Variants in PBRM1 observed in about 807,000 individuals in gnomAD.
The protein encoded by PBRM1 is polybromo 1.
A neutral mutation model predicts 194.5 loss-of-function variants in PBRM1; 27 were observed. That is an observed-to-expected ratio of 0.14 (90% confidence interval 0.10 to 0.19). The LOEUF (loss-of-function observed/expected upper bound fraction) is 0.19, where lower values mean the gene tolerates loss of function less well. Among genes scored for constraint, PBRM1 ranks in the 10% least tolerant of loss-of-function variants. The probability of loss-of-function intolerance (pLI) is 1.00; values close to 1 mark genes in which losing one functional copy is unlikely to be tolerated. For synonymous variants in PBRM1, 655 were observed against 693.2 expected, an observed-to-expected ratio of 0.94 and a Z score of 0.87; for missense variants, 1,466 against 2,077.2, an observed-to-expected ratio of 0.71 and a Z score of 5.72.
chr3:52,672,343 A>G (rs2096966019), intron 2 of PBRM1, among the ~76,000 whole-genome samples: 1 of 152,204 alleles, frequency 6.6e-6, no homozygotes, highest in Non-Finnish European at 1.5e-5. Flanking sequence ...CTGATTAGCA[A>G]ACTTAATTCC....
At chr3:52,642,104 T>C (rs2153709582) in intron 9 of PBRM1, 59 bp from the exon 11 acceptor site, 1 of 892,822 alleles carries the variant, frequency 1.1e-6, no homozygotes, top group South Asian at 1.4e-5. Context: ...TAGGTTACTT[T>C]ACAGGGAACA....
intron 10 of PBRM1, among the ~76,000 whole-genome samples, chr3:52,640,305 G>A (rs762431710): frequency 2.0e-5 from 3 of 151,720 alleles, no homozygotes; most frequent in Admixed American, 1.3e-4. Context: ...TTGAGACAGG[G>A]TCTCACTCTG....
chr3:52,634,411 T>A (rs996464360), intron 11 of PBRM1, among the ~76,000 whole-genome samples, 191 bp downstream of exon 12: 1 of 129,108 alleles, frequency 7.7e-6, no homozygotes, highest in African/African-American at 3.0e-5. Context: ...CACTCCAGTC[T>A]GGCAACAGAC....
At chr3:52,644,829 T>C in intron 7 of PBRM1, 40 bp from the exon 9 acceptor site, 2 of 990,990 alleles carry the variant, frequency 2.0e-6, no homozygotes, top group Non-Finnish European at 3.2e-6. Context: ...AAGGAACAGA[T>C]AAAAGGACAG....
At chr3:52,651,904 C>CT in intron 5 of PBRM1, 94 bp from the exon 7 acceptor site, 1 of 765,992 alleles carries the variant, frequency 1.3e-6, no homozygotes, top group Non-Finnish European at 2.2e-6. Context: ...GTTCAAACAA[C>CT]CAGTGAAGCA....
chr3:52,638,752 C>T (rs1043126938), intron 10 of PBRM1, among the ~76,000 whole-genome samples: 3 of 151,846 alleles, frequency 2.0e-5, no homozygotes, highest in South Asian at 2.1e-4. Context: ...CACCACACCA[C>T]GCCCGGCTAA....
chr3:52,548,164 C>T (rs1302879949), exon 30 of PBRM1: 1 of 1,611,406 alleles, frequency 6.2e-7, no homozygotes, highest in South Asian at 1.1e-5. Context: ...GTGTGGGCCC[C>T]TTTGCTTTTC....
At chr3:52,587,246 T>C (rs1183824084) in intron 19 of PBRM1, 107 bp downstream of exon 21, 11 of 867,426 alleles carry the variant, frequency 1.3e-5, no homozygotes, top group South Asian at 4.5e-5. Flanking sequence ...GCTTAAAAAA[T>C]AGCTTAAAAC....
downstream of PBRM1, chr3:52,546,727 T>C: frequency 4.3e-6 from 1 of 233,026 alleles, no homozygotes. Context: ...TCTGCCATCC[T>C]ATGCTGCCTT....
intron 7 of PBRM1, among the ~76,000 whole-genome samples, chr3:52,646,443 C>A (rs920188893): frequency 6.6e-6 from 1 of 152,160 alleles, no homozygotes; most frequent in African/African-American, 2.4e-5. Context: ...GTGTACTGCA[C>A]TACACAGATT....
chr3:52,656,385 C>T (rs1253011792), intron 5 of PBRM1, among the ~76,000 whole-genome samples: 2 of 152,056 alleles, frequency 1.3e-5, no homozygotes, highest in Admixed American at 1.3e-4. Context: ...AGGTTTAGGC[C>T]GGGTGTAGTA....
intron 13 of PBRM1, among the ~76,000 whole-genome samples, chr3:52,621,291 C>G (rs1211786200): frequency 6.6e-6 from 1 of 152,144 alleles, no homozygotes; most frequent in Non-Finnish European, 1.5e-5. Flanking sequence ...TCCCAAGTAG[C>G]TGGGACTACA....
At chr3:52,649,090 G>A (rs936167100) in intron 6 of PBRM1, among the ~76,000 whole-genome samples, 18 of 152,300 alleles carry the variant, frequency 1.2e-4, no homozygotes, top group African/African-American at 3.6e-4. Flanking sequence ...CAAACTGAGC[G>A]AAATGGAAGG....
At chr3:52,582,816 G>A (rs1330404656) in intron 20 of PBRM1, among the ~76,000 whole-genome samples, 1 of 151,970 alleles carries the variant, frequency 6.6e-6, no homozygotes, top group Non-Finnish European at 1.5e-5. Flanking sequence ...AAAGACACCG[G>A]GCCGGGCACG....
intron 22 of PBRM1, among the ~76,000 whole-genome samples, chr3:52,573,361 T>C (rs1330648794): frequency 2.0e-5 from 3 of 152,138 alleles, no homozygotes; most frequent in Non-Finnish European, 1.5e-5. Context: ...TGGCTTGATC[T>C]CAGCTCACTG....
chr3:52,674,665 T>TATATAC (rs1342966203), intron 2 of PBRM1, among the ~76,000 whole-genome samples: 8 of 136,808 alleles, frequency 5.8e-5, no homozygotes, highest in African/African-American at 1.7e-4. Flanking sequence ...TATATATATA[T>TATATAC]ACACACACAC....
Position 52,645,505 on chromosome 3 carries a change from C to G in PBRM1, c.814-716G>C, listed in dbSNP as rs148461707. On this transcript the variant is annotated intron_variant, in intron 7 of 29. Transcript: ENST00000296302. ...TGTAGATCTTAGCAATCTCAGCATA[C>G]CTTTTTTTTTTTTTTTTCCTTTCTT... is the stretch of plus-strand genomic sequence containing the variant. Among the ~76,000 whole-genome samples the G allele has an allele frequency of 5.2e-3, 775 of 149,790 alleles. 9 individuals carry two copies. The highest frequency in any genetic ancestry group is 0.018 in the African/African-American group (740 of 40,150).
chr3:52,601,048 T>C (rs72965177), intron 17 of PBRM1, among the ~76,000 whole-genome samples: 11,255 of 152,280 alleles, frequency 0.074, 991 homozygotes, highest in African/African-American at 0.21. Flanking sequence ...TACATTGATA[T>C]TATATGTGTG....
At chr3:52,595,881 C>T (rs769603365) in intron 17 of PBRM1, among the ~76,000 whole-genome samples, 13 of 152,190 alleles carry the variant, frequency 8.5e-5, no homozygotes, top group Non-Finnish European at 1.9e-4. Flanking sequence ...TTCCCAGCAC[C>T]GTTTATTGAA....
Sources: gnomAD v4.1 joint callset for allele counts (sites outside exome capture counted in the v4.1 genomes callset) on GRCh38, gnomAD v4.1.1 for gene constraint, MANE v1.5 for transcripts, NCBI Gene and HGNC (gene_info 2026-07-23, HGNC 2026-07-21) for gene names.